The following EBF4 variants were observed in gnomAD, a reference collection of about 807,000 sequenced individuals.
EBF4 encodes the protein transcription factor COE4.
Under a neutral mutation model 67.1 loss-of-function variants are expected in EBF4, and 34 were observed. The ratio of observed to expected loss-of-function variants is 0.51; its 90% CI spans 0.39 to 0.67. The LOEUF is 0.67. EBF4 is among the 30% of genes least tolerant of loss of function. The pLI, the probability that EBF4 is intolerant of heterozygous loss-of-function variation, is 0.00. For missense variants in EBF4, 837 were observed against 873.3 expected (o/e 0.96, Z 0.52); for synonymous variants, 387 against 377.7 (o/e 1.02, Z -0.29).
At chr20:2,734,150 A>G (rs950400227) in intron 6 of EBF4, among the ~76,000 whole-genome samples, 3 of 152,272 alleles carry the variant, frequency 2.0e-5, no homozygotes, top group African/African-American at 7.2e-5. Flanking sequence ...GCTCACTCCT[A>G]TAATCCCAGC....
At chr20:2,697,524 G>A (rs1301334194) in intron 1 of EBF4, among the ~76,000 whole-genome samples, 1 of 147,910 alleles carries the variant, frequency 6.8e-6, no homozygotes, top group Non-Finnish European at 1.5e-5. Flanking sequence ...CAGCCTGGGT[G>A]ACAGAGCGAG....
chr20:2,705,477 G>T, intron 1 of EBF4, 100 bp from the exon 2 acceptor site: 2 of 1,497,900 alleles, frequency 1.3e-6, no homozygotes, highest in Non-Finnish European at 1.8e-6. Flanking sequence ...TTGGCATCTT[G>T]GAGCCATGTC....
intron 1 of EBF4, among the ~76,000 whole-genome samples, chr20:2,700,668 T>A (rs1021042810): frequency 6.6e-6 from 1 of 152,202 alleles, no homozygotes; most frequent in Non-Finnish European, 1.5e-5. Context: ...TCCCTGTTTC[T>A]TTTTTTCTGT....
rs1415175337 is a variant in EBF4, at chr20:2,749,842, C to A, written c.892-5C>A. The stretch of plus-strand genomic sequence containing the variant: ...GACCTGCAGGCCTCCCCTCTCCCCT[C>A]GCAGCTCATCACGCCCCACGCCATC... On this transcript the variant is annotated splice_region_variant and splice_polypyrimidine_tract_variant and intron_variant, in intron 9 of 16. Transcript: ENST00000609451. 2 of 1,548,310 alleles carry A rather than the reference C, an allele frequency of 1.3e-6. No homozygotes were observed. The highest frequency in any genetic ancestry group is 1.7e-6 in the Non-Finnish European group (2 of 1,145,228).
intron 6 of EBF4, among the ~76,000 whole-genome samples, chr20:2,743,226 C>T (rs2087993880): frequency 6.6e-6 from 1 of 152,208 alleles, no homozygotes; most frequent in African/African-American, 2.4e-5. Context: ...GGGTTGTTCT[C>T]ACGTTCGCCC....
intron 1 of EBF4, among the ~76,000 whole-genome samples, chr20:2,697,633 G>T (rs894747172): frequency 4.1e-4 from 62 of 152,070 alleles, no homozygotes; most frequent in Non-Finnish European, 6.9e-4. Flanking sequence ...TGGGAACGCT[G>T]GTGGAGAGGG....
chr20:2,752,315 C>T, intron 13 of EBF4, 42 bp from the exon 14 acceptor site: 8 of 1,200,102 alleles, frequency 6.7e-6, no homozygotes, highest in African/African-American at 1.6e-5. Context: ...CCGCCCCTCC[C>T]CGGCCGGCAC....
chr20:2,698,666 G>A (rs1216794192), intron 1 of EBF4, among the ~76,000 whole-genome samples: 1 of 152,018 alleles, frequency 6.6e-6, no homozygotes, highest in Non-Finnish European at 1.5e-5. Context: ...TGCGAAAAGG[G>A]ATGAGATGCA....
chr20:2,749,655 G>A (rs1011479788), exon 9 of EBF4: 3 of 1,567,386 alleles, frequency 1.9e-6, no homozygotes, highest in Admixed American at 3.8e-5. Flanking sequence ...CAGCCCCGGG[G>A]AGGGCTGGAC....
At chr20:2,718,660 G>A (rs148028578) in intron 6 of EBF4, among the ~76,000 whole-genome samples, 34 of 152,244 alleles carry the variant, frequency 2.2e-4, no homozygotes, top group African/African-American at 7.5e-4. Context: ...GGCAAATTGT[G>A]TCTTCTCTTT....
rs372108931 is a variant in EBF4, at chr20:2,751,653, G to A, written c.1019-47G>A. The A allele has an allele frequency of 2.6e-6, 4 of 1,536,528 alleles. No individual in the cohort carries two copies. Among genetic ancestry groups the A allele is most frequent in the East Asian group, 4.9e-5 (2 of 40,810 alleles). On this transcript the variant is annotated intron_variant, in intron 10 of 16. Coordinates refer to ENST00000609451, the Ensembl canonical transcript of EBF4. This position sits in a 1 kb window ranked among gnomAD's most constrained non-coding sequence, Gnocchi z 5.2. ...GCGCCCTGCGTCTCACCCTGGGAGT[G>A]GGGGGCTGCGGGGGAGACGTCCTCC... is the stretch of plus-strand genomic sequence containing the variant.
chr20:2,723,862 T>C (rs917270639), intron 6 of EBF4, among the ~76,000 whole-genome samples: 1 of 152,264 alleles, frequency 6.6e-6, no homozygotes, highest in Non-Finnish European at 1.5e-5. Context: ...GTTCCACTTC[T>C]ATGTTTCTTT....
At chr20:2,752,773 G>A (rs1289143138) in intron 14 of EBF4, among the ~76,000 whole-genome samples, 1 of 152,256 alleles carries the variant, frequency 6.6e-6, no homozygotes, top group South Asian at 2.1e-4. Flanking sequence ...AGAGTACTCC[G>A]TGCACTTTTA....
chr20:2,755,260 A>C lies in EBF4; in HGVS notation c.1541-367A>C, dbSNP rs1158110683. 1 of 262,914 alleles carries C rather than the reference A, an allele frequency of 3.8e-6. No individual in the cohort carries two copies. The highest frequency in any genetic ancestry group is 7.3e-6 in the Non-Finnish European group (1 of 137,258). 16.3% of individuals were successfully genotyped at this position (262,914 alleles called of 1,614,324 possible). On this transcript the variant is annotated intron_variant, in intron 14 of 16. Coordinates refer to ENST00000609451, the Ensembl canonical transcript of EBF4. This position sits in a 1 kb window ranked among gnomAD's most constrained non-coding sequence, Gnocchi z 4.7. ...AGCCTTGGCACCCCAAGCAAGGCTC[A>C]TAAATGTTTCCTAGCATCTCAGAAT...
chr20:2,695,762 C>T (rs1265145638), intron 1 of EBF4, among the ~76,000 whole-genome samples: 1 of 152,224 alleles, frequency 6.6e-6, no homozygotes, highest in Admixed American at 6.5e-5. Flanking sequence ...AAATTCCTCC[C>T]CCTGGCCCTG....
At chr20:2,737,512 C>T (rs1441454027) in intron 6 of EBF4, among the ~76,000 whole-genome samples, 1 of 152,004 alleles carries the variant, frequency 6.6e-6, no homozygotes, top group Non-Finnish European at 1.5e-5. Flanking sequence ...TAGAGCTGAC[C>T]AATGAGCCTC....
At chr20:2,729,155 G>A (rs2087781500) in intron 6 of EBF4, among the ~76,000 whole-genome samples, 1 of 151,700 alleles carries the variant, frequency 6.6e-6, no homozygotes, top group Non-Finnish European at 1.5e-5. Context: ...ACAATATGCT[G>A]AGAATGGGTT....
chr20:2,736,978 G>C (rs147349876), intron 6 of EBF4, among the ~76,000 whole-genome samples: 2 of 152,228 alleles, frequency 1.3e-5, no homozygotes, highest in African/African-American at 4.8e-5. Context: ...GACCGGGCGC[G>C]GTGGCTCACG....
intron 1 of EBF4, among the ~76,000 whole-genome samples, chr20:2,699,016 C>G (rs146887397): frequency 6.6e-6 from 1 of 152,198 alleles, no homozygotes; most frequent in East Asian, 1.9e-4. Flanking sequence ...CCGTGAGTGG[C>G]CTTGGGAAGA....
Sources: allele counts gnomAD v4.1 joint callset (sites outside exome capture counted in the v4.1 genomes callset), GRCh38; gene constraint gnomAD v4.1.1; non-coding constraint Gnocchi (gnomAD v3.1); transcripts MANE v1.5; gene names NCBI Gene and HGNC (gene_info 2026-07-23, HGNC 2026-07-21).